Variants in DHRSX observed in about 807,000 individuals in gnomAD.
The protein encoded by DHRSX is dehydrogenase/reductase X-linked, also known as polyprenol dehydrogenase.
In DHRSX, 31 loss-of-function variants were observed where a neutral mutation model predicts 34.0. The ratio of observed to expected loss-of-function variants is 0.91; its 90% CI spans 0.69 to 1.23. The LOEUF (loss-of-function observed/expected upper bound fraction) is 1.23. DHRSX is among the 50% of genes most tolerant of loss of function. The pLI is 0.00. For missense variants in DHRSX, 414 were observed against 428.1 expected (o/e 0.97, Z 0.29); for synonymous variants, 201 against 183.8 (o/e 1.09, Z -0.76).
At chrX:2,242,611 G>A (rs182771541) in intron 6 of DHRSX, among the ~76,000 whole-genome samples, 83 of 152,130 alleles carry the variant, frequency 5.5e-4, no homozygotes, top group African/African-American at 1.9e-3. Context: ...GTAAAGAAGC[G>A]GGCCAAAACC....
At chrX:2,269,332 C>A (rs1234853927) in intron 4 of DHRSX, among the ~76,000 whole-genome samples, 2 of 152,074 alleles carry the variant, frequency 1.3e-5, no homozygotes, top group Non-Finnish European at 2.9e-5. Context: ...CATGCATCTG[C>A]AAGTGCACAC....
intron 2 of DHRSX, among the ~76,000 whole-genome samples, chrX:2,422,822 T>C (rs2043797330): frequency 6.6e-6 from 1 of 151,740 alleles, no homozygotes; most frequent in Non-Finnish European, 1.5e-5. Flanking sequence ...TCTCGCTCTG[T>C]CACCCAGGCT....
At chrX:2,460,946 T>A in intron 1 of DHRSX, among the ~76,000 whole-genome samples, 4 of 151,990 alleles carry the variant, frequency 2.6e-5, no homozygotes, top group African/African-American at 7.3e-5. Context: ...CTCAAACTCC[T>A]GGTCTCAAAA....
chrX:2,305,697 G>A (rs1259102517), intron 3 of DHRSX, among the ~76,000 whole-genome samples: 3 of 151,990 alleles, frequency 2.0e-5, no homozygotes, highest in African/African-American at 4.8e-5. Flanking sequence ...GCAGGGACAC[G>A]GATGAATCTG....
At chrX:2,286,922 G>A (rs2041811242) in intron 4 of DHRSX, among the ~76,000 whole-genome samples, 1 of 152,198 alleles carries the variant, frequency 6.6e-6, no homozygotes, top group Admixed American at 6.5e-5. Flanking sequence ...TCCTGGAAAT[G>A]GTGTTCTGAG....
intron 1 of DHRSX, among the ~76,000 whole-genome samples, chrX:2,495,352 CTAT>C (rs1245427387): frequency 2.0e-5 from 3 of 151,694 alleles, no homozygotes; most frequent in African/African-American, 4.8e-5. Context: ...GGTTTATATT[CTAT>C]TATTATTAAT....
chrX:2,384,901 A>T (rs769488538), intron 3 of DHRSX, among the ~76,000 whole-genome samples: 69 of 151,172 alleles, frequency 4.6e-4, no homozygotes, highest in African/African-American at 1.6e-3. Flanking sequence ...CCTAAAACTT[A>T]AAGTATAATA....
intron 1 of DHRSX, among the ~76,000 whole-genome samples, chrX:2,434,107 T>C (rs1014634049): frequency 2.6e-5 from 4 of 151,856 alleles, no homozygotes; most frequent in African/African-American, 9.7e-5. Flanking sequence ...CAAACCCCAG[T>C]CCCTCCACAA....
intron 3 of DHRSX, among the ~76,000 whole-genome samples, chrX:2,304,175 G>A (rs1311237494): frequency 3.0e-4 from 33 of 111,792 alleles, no homozygotes; most frequent in Non-Finnish European, 5.1e-4. Context: ...ATGAACTGAT[G>A]GATGGATGGA....
At chrX:2,321,727 T>C (rs2042314165) in intron 3 of DHRSX, among the ~76,000 whole-genome samples, 1 of 150,622 alleles carries the variant, frequency 6.6e-6, no homozygotes, top group African/African-American at 2.5e-5. Context: ...ACCCCATCTA[T>C]GGTCCAGTTA....
intron 6 of DHRSX, among the ~76,000 whole-genome samples, chrX:2,232,496 G>T (rs2015918848): frequency 1.3e-5 from 2 of 152,054 alleles, no homozygotes; most frequent in Non-Finnish European, 2.9e-5. Flanking sequence ...AAGAGAATGG[G>T]CCAGAGAGCT....
intron 5 of DHRSX, among the ~76,000 whole-genome samples, chrX:2,245,417 T>C (rs2016253036): frequency 6.6e-6 from 1 of 151,754 alleles, no homozygotes; most frequent in Non-Finnish European, 1.5e-5. Flanking sequence ...CAAGCCATTC[T>C]CCTGCCTCAG....
intron 1 of DHRSX, among the ~76,000 whole-genome samples, chrX:2,483,674 C>T (rs1390651586): frequency 2.0e-5 from 3 of 151,390 alleles, no homozygotes; most frequent in Middle Eastern, 3.2e-3. Context: ...AAAAACCTCA[C>T]GTGTGTTACC....
At position 2,326,015 on chromosome X, in the gene DHRSX, T is replaced by C. The variant is rs957885800; in HGVS notation, c.287-34412A>G. ...CGCATTTTAATTCCTATCCTCACAA[T>C]AGGCAAAGAGCAGAACATACTGAAA... On this transcript the variant is annotated intron_variant, in intron 3 of 6. Coordinates refer to ENST00000334651, the MANE Select transcript of DHRSX (RefSeq NM_145177.3). 1.3e-4 allele frequency among the ~76,000 whole-genome samples: 20 copies of C among 152,238 alleles called. No homozygotes were observed. The East Asian group carries it at 3.3e-3, about 25-fold the overall frequency.
intron 5 of DHRSX, among the ~76,000 whole-genome samples, chrX:2,254,397 C>A (rs1158138933): frequency 6.6e-6 from 1 of 152,240 alleles, no homozygotes; most frequent in South Asian, 2.1e-4. Context: ...TTTTCCAGTG[C>A]TCATTAAACC....
At chrX:2,362,122 G>GC (rs1412490658) in intron 3 of DHRSX, among the ~76,000 whole-genome samples, 1 of 152,160 alleles carries the variant, frequency 6.6e-6, no homozygotes, top group East Asian at 1.9e-4. Flanking sequence ...ACTTTTAAGA[G>GC]CCCTAGAGAG....
At chrX:2,407,672 T>G (rs1407618508) in intron 3 of DHRSX, among the ~76,000 whole-genome samples, 1 of 152,136 alleles carries the variant, frequency 6.6e-6, no homozygotes, top group East Asian at 1.9e-4. Context: ...CTTCTACAAT[T>G]TTTCCTACCA....
At chrX:2,235,446 A>G (rs1234900373) in intron 6 of DHRSX, among the ~76,000 whole-genome samples, 2 of 152,038 alleles carry the variant, frequency 1.3e-5, no homozygotes, top group Admixed American at 1.3e-4. Flanking sequence ...TAAGTGAATC[A>G]ATAAATACAT....
At chrX:2,444,926 G>A (rs1349230491) in intron 1 of DHRSX, among the ~76,000 whole-genome samples, 1 of 152,192 alleles carries the variant, frequency 6.6e-6, no homozygotes, top group Non-Finnish European at 1.5e-5. Context: ...GGAGGCCGAG[G>A]CGGGCAGATC....
Sources: allele counts gnomAD v4.1 joint callset (sites outside exome capture counted in the v4.1 genomes callset), GRCh38; gene constraint gnomAD v4.1.1; transcripts MANE v1.5; gene names NCBI Gene and HGNC (gene_info 2026-07-23, HGNC 2026-07-21).